TEX9: variants seen among roughly 807,000 people sequenced by gnomAD.
TEX9 encodes the protein testis-expressed protein 9.
TEX9 carries 74 observed loss-of-function variants against 59.6 expected under a neutral mutation model. The ratio of observed to expected loss-of-function variants is 1.24; its 90% CI spans 1.03 to 1.51. The LOEUF is 1.51. Ranked by LOEUF, TEX9 falls within the 40% of genes most tolerant of loss-of-function variation. The pLI is 0.00. For missense variants in TEX9, 522 were observed against 447.8 expected, an observed-to-expected ratio of 1.17 and a Z score of -1.49; for synonymous variants, 186 against 152.2, an observed-to-expected ratio of 1.22 and a Z score of -1.64.
At chr15:56,325,600 T>C (rs765579139) in intron 1 of TEX9, among the ~76,000 whole-genome samples, 1 of 152,222 alleles carries the variant, frequency 6.6e-6, no homozygotes, top group Non-Finnish European at 1.5e-5. Flanking sequence ...TGGCTCTTCC[T>C]GTCTCTGCAC....
At chr15:56,357,187 G>A (rs1208180376) in intron 1 of TEX9, among the ~76,000 whole-genome samples, 1 of 152,128 alleles carries the variant, frequency 6.6e-6, no homozygotes, top group Non-Finnish European at 1.5e-5. Context: ...TCATTAGTGA[G>A]TAATTGGTCA....
At chr15:56,249,703 A>T (rs949687106) in intron 1 of TEX9, among the ~76,000 whole-genome samples, 1 of 141,080 alleles carries the variant, frequency 7.1e-6, no homozygotes, top group Non-Finnish European at 1.5e-5. Flanking sequence ...AGATTGTGCC[A>T]CTGCACTCCA....
intron 12 of TEX9, among the ~76,000 whole-genome samples, chr15:56,432,487 A>C (rs2050621727): frequency 6.6e-6 from 1 of 152,200 alleles, no homozygotes; most frequent in South Asian, 2.1e-4. Context: ...AATGAGTTTC[A>C]TCACGAAGAT....
intron 10 of TEX9, among the ~76,000 whole-genome samples, chr15:56,425,971 C>T (rs1262079445): frequency 2.0e-5 from 3 of 152,112 alleles, no homozygotes; most frequent in Admixed American, 6.6e-5. Flanking sequence ...TCCATACACA[C>T]GGCTTCTTTT....
intron 1 of TEX9, among the ~76,000 whole-genome samples, chr15:56,289,478 G>A (rs2045034393): frequency 6.6e-6 from 1 of 152,168 alleles, no homozygotes; most frequent in Non-Finnish European, 1.5e-5. Flanking sequence ...TGTAGTGTCT[G>A]TGTAGCTCTG....
chr15:56,412,718 CT>C (rs1273626146), intron 10 of TEX9, among the ~76,000 whole-genome samples: 1 of 152,050 alleles, frequency 6.6e-6, no homozygotes, highest in African/African-American at 2.4e-5. Context: ...TTTCTAAGCT[CT>C]TAGAAAAAGT....
In TEX9 at chr15:56,309,701, T is replaced by TTTTTTTG. The variant is rs2045563959; in HGVS notation, c.-106-63734_-106-63733insGTTTTTT. On this transcript the variant is annotated intron_variant, in intron 1 of 5. Coordinates refer to the TEX9 transcript ENST00000560827. ...TGGGATTTTTATGGGAAGTTTTTTT[T>TTTTTTTG]TTTTTTTTTTTTTTTTTTTTTTTAA... Among the ~76,000 whole-genome samples, 4 of 126,574 alleles carry TTTTTTTG rather than the reference T, an allele frequency of 3.2e-5. No homozygotes were observed. In the Admixed American group the frequency reaches 3.4e-4, roughly 11 times the overall value. 83.0% of individuals were successfully genotyped at this position (126,574 alleles called of 152,430 possible).
intron 1 of TEX9, among the ~76,000 whole-genome samples, chr15:56,293,858 C>G (rs1316609181): frequency 6.6e-6 from 1 of 152,214 alleles, no homozygotes; most frequent in Non-Finnish European, 1.5e-5. Flanking sequence ...TGGATCCCTC[C>G]TGGACTCTAC....
Position 56,371,310 on chromosome 15 carries a change from A to T in TEX9, c.120-2131A>T, listed in dbSNP as rs116960324. On this transcript the variant is annotated intron_variant, in intron 2 of 12. Transcript: ENST00000352903. ...TAATTCACTCATTCCTTCTATGCCC[A>T]TTATGCTGTTCAACATATCTGTCAA... 3.2e-3 allele frequency among the ~76,000 whole-genome samples: 492 copies of T among 152,276 alleles called. 5 individuals are homozygous for T. The highest frequency in any genetic ancestry group is 0.018 in the South Asian group (86 of 4,830).
intron 1 of TEX9, among the ~76,000 whole-genome samples, chr15:56,278,532 G>T (rs1471696994): frequency 6.6e-6 from 1 of 152,070 alleles, no homozygotes; most frequent in African/African-American, 2.4e-5. Context: ...TTCTTTCCTT[G>T]GGAAATTTTG....
chr15:56,393,776 A>G (rs1366074530), intron 7 of TEX9: 1 of 168,642 alleles, frequency 5.9e-6, no homozygotes, highest in African/African-American at 2.4e-5. Flanking sequence ...TCTGTGTTAC[A>G]GTCAGTGGCA....
At chr15:56,267,803 C>A (rs1764539373) in intron 1 of TEX9, among the ~76,000 whole-genome samples, 1 of 152,110 alleles carries the variant, frequency 6.6e-6, no homozygotes, top group Non-Finnish European at 1.5e-5. Context: ...ATTGTCTTGG[C>A]AATGTGGGCT....
At chr15:56,366,934 A>T (rs1253872934) in intron 2 of TEX9, among the ~76,000 whole-genome samples, 1 of 152,264 alleles carries the variant, frequency 6.6e-6, no homozygotes, top group African/African-American at 2.4e-5. Flanking sequence ...AAGTGTACTT[A>T]AGCAAATTAA....
intron 12 of TEX9, among the ~76,000 whole-genome samples, chr15:56,433,605 A>G (rs756194181): frequency 1.8e-4 from 28 of 152,068 alleles, no homozygotes; most frequent in Admixed American, 3.3e-4. Flanking sequence ...GATTATTATA[A>G]TAACTTACTT....
chr15:56,426,614 TATATATATATATAC>T lies in TEX9; in HGVS notation c.964-989_964-976del, dbSNP rs1596239433. ...GTATATATATATATATATATATATATATATATATATATACACACACACAAACACACACACACACA... is the reference window on the plus strand; with the variant it reads ...GTATATATATATATATATATATATATACACACACAAACACACACACACACA... On this transcript the variant is annotated intron_variant, in intron 10 of 12. Transcript: ENST00000352903. Among the ~76,000 whole-genome samples the T allele has an allele frequency of 3.7e-4, 16 of 43,036 alleles. 1 individual carries two copies. The East Asian group carries it at 8.0e-3, about 22-fold the overall frequency. 28.2% of individuals were successfully genotyped at this position (43,036 alleles called of 152,430 possible).
At chr15:56,384,305 A>G (rs1160074858) in intron 4 of TEX9, among the ~76,000 whole-genome samples, 3 of 152,218 alleles carry the variant, frequency 2.0e-5, no homozygotes, top group African/African-American at 7.2e-5. Flanking sequence ...ATGAAATCAT[A>G]TTGTAGCAGA....
chr15:56,339,690 A>G (rs1165894917), intron 1 of TEX9, among the ~76,000 whole-genome samples: 12 of 152,050 alleles, frequency 7.9e-5, no homozygotes, highest in African/African-American at 2.9e-4. Flanking sequence ...CCGCCAATTT[A>G]TATGTTGAAA....
In TEX9 at chr15:56,388,464, G is replaced by GAGGTAACAGA. The variant is rs750832027; in HGVS notation, c.264-8_264-7insAGGTAACAGA. On this transcript the variant is annotated splice_region_variant and splice_polypyrimidine_tract_variant and intron_variant, in intron 4 of 12. Transcript: ENST00000352903. ...TATTAATGTATAATGTTTATTTTTG[G>GAGGTAACAGA]CCTGTAGAGGTCTGTTACCATCTGA... is the stretch of plus-strand genomic sequence containing the variant. The GAGGTAACAGA allele has an allele frequency of 1.0e-4, 164 of 1,605,514 alleles. No individual in the cohort carries two copies. The highest frequency in any genetic ancestry group is 1.4e-4 in the Non-Finnish European group (160 of 1,173,964).
intron 1 of TEX9, among the ~76,000 whole-genome samples, chr15:56,276,331 C>A (rs1477714326): frequency 6.6e-6 from 1 of 152,028 alleles, no homozygotes; most frequent in Non-Finnish European, 1.5e-5. Context: ...CCTCCTCTTG[C>A]CCCCCACACC....
Sources: allele counts gnomAD v4.1 joint callset (sites outside exome capture counted in the v4.1 genomes callset), GRCh38; gene constraint gnomAD v4.1.1; transcripts MANE v1.5; gene names NCBI Gene and HGNC (gene_info 2026-07-23, HGNC 2026-07-21).